The following TMCO1 variants were observed in gnomAD, a reference collection of about 807,000 sequenced individuals.
TMCO1 encodes transmembrane and coiled-coil domains 1.
Under a neutral mutation model 29.3 loss-of-function variants are expected in TMCO1, and 29 were observed. The ratio of observed to expected loss-of-function variants is 0.99; its 90% CI spans 0.74 to 1.35. The LOEUF (loss-of-function observed/expected upper bound fraction) is 1.35, where lower values mean the gene tolerates loss of function less well. Among genes scored for constraint, TMCO1 ranks in the 40% most tolerant of loss-of-function variants. The probability of loss-of-function intolerance (pLI) is 0.00; values close to 1 mark genes in which losing one functional copy is unlikely to be tolerated. For synonymous variants in TMCO1, 80 were observed against 77.1 expected (o/e 1.04, Z -0.20); for missense variants, 173 against 225.5 (o/e 0.77, Z 1.49).
chr1:165,750,258 G>T (rs1161436207), intron 5 of TMCO1, among the ~76,000 whole-genome samples: 2 of 152,060 alleles, frequency 1.3e-5, no homozygotes, highest in Non-Finnish European at 2.9e-5. Flanking sequence ...AGTACATCCT[G>T]GCCAGGCGCA....
In TMCO1 at chr1:165,726,959, T is replaced by C. The variant is rs1314727426; in HGVS notation, c.*1064A>G. On this transcript the variant is annotated 3_prime_UTR_variant, in exon 7 of 7. Transcript: ENST00000367881. ...GCTGTTGGTTTAACAATGATTACCT[T>C]GAAAATTATGTGTTTTTTCTCACTG... 1 of 454,108 alleles carries C rather than the reference T, an allele frequency of 2.2e-6. No homozygotes were observed. Among genetic ancestry groups the C allele is most frequent in the Non-Finnish European group, 4.4e-6 (1 of 226,770 alleles). 28.1% of individuals were successfully genotyped at this position (454,108 alleles called of 1,614,324 possible). A position where few individuals can be genotyped will look rare whatever the true frequency, so the allele number is the denominator to read the frequency against.
Position 165,727,978 on chromosome 1 carries a change from T to G in TMCO1, c.*45A>C. 1 of 1,431,544 alleles carries G rather than the reference T, an allele frequency of 7.0e-7. No homozygotes were observed. The highest frequency in any genetic ancestry group is 9.8e-7 in the Non-Finnish European group (1 of 1,025,438). 88.7% of individuals were successfully genotyped at this position (1,431,544 alleles called of 1,614,324 possible). Reference sequence around the variant, plus strand: ...CTACAAAACAGTTGCCAGTCTGATGTGTGTGTGTCTAGAAAGAATGATAGA... The same window carrying G: ...CTACAAAACAGTTGCCAGTCTGATGGGTGTGTGTCTAGAAAGAATGATAGA... On this transcript the variant is annotated 3_prime_UTR_variant, in exon 7 of 7. Transcript: ENST00000367881.
At chr1:165,748,494 A>G (rs1456836150) in intron 5 of TMCO1, among the ~76,000 whole-genome samples, 1 of 152,226 alleles carries the variant, frequency 6.6e-6, no homozygotes, top group Non-Finnish European at 1.5e-5. Flanking sequence ...TGAGAGGAAG[A>G]GAAAGTTGAA....
At chr1:165,761,384 A>T (rs1374432331) in intron 2 of TMCO1, among the ~76,000 whole-genome samples, 1 of 151,932 alleles carries the variant, frequency 6.6e-6, no homozygotes, top group East Asian at 1.9e-4. Flanking sequence ...AAAATTGAAA[A>T]ATTAGCCGAG....
At chr1:165,724,576 A>C (rs1650774973), downstream of TMCO1, 1 of 453,992 alleles carries the variant, frequency 2.2e-6, no homozygotes, top group Admixed American at 2.3e-5. Flanking sequence ...CTTACAGATC[A>C]CCAGCTCTGG....
At chr1:165,752,326 C>G (rs1180332942) in intron 4 of TMCO1, among the ~76,000 whole-genome samples, 157 bp from the exon 5 acceptor site, 1 of 147,880 alleles carries the variant, frequency 6.8e-6, no homozygotes, top group Non-Finnish European at 1.5e-5. Flanking sequence ...GCAATCTCGG[C>G]TCACTGCAAG....
chr1:165,745,611 C>T (rs1333712938), intron 5 of TMCO1, among the ~76,000 whole-genome samples: 2 of 152,050 alleles, frequency 1.3e-5, no homozygotes, highest in African/African-American at 4.8e-5. Flanking sequence ...CACACCACTG[C>T]ACTCCAGCCT....
Position 165,768,787 on chromosome 1 carries a change from G to C in TMCO1, c.-36C>G, listed in dbSNP as rs1652682007. 6.2e-7 allele frequency: 1 copy of C among 1,613,854 alleles called. No homozygotes were observed. Among genetic ancestry groups the C allele is most frequent in the Non-Finnish European group, 8.5e-7 (1 of 1,179,912 alleles). On this transcript the variant is annotated 5_prime_UTR_variant, in exon 1 of 7. Coordinates refer to ENST00000367881, the MANE Select transcript of TMCO1 (RefSeq NM_019026.6). Reference sequence around the variant, plus strand: ...CGTCTCTGCACTCTCACCCGCCAGGGGGAAAGCGCTCTACAGCCAGGAAAA... The same window carrying C: ...CGTCTCTGCACTCTCACCCGCCAGGCGGAAAGCGCTCTACAGCCAGGAAAA...
chr1:165,724,650 G>T (rs1165937775), downstream of TMCO1: 1 of 453,866 alleles, frequency 2.2e-6, no homozygotes, highest in Non-Finnish European at 4.4e-6. Flanking sequence ...CTAGTTTGAG[G>T]ACCACAACAA....
chr1:165,743,240 T>A lies in TMCO1; in HGVS notation c.395A>T (p.Asn132Ile). The A allele has an allele frequency of 6.2e-7, 1 of 1,613,710 alleles. No individual in the cohort carries two copies. Among genetic ancestry groups the A allele is most frequent in the Non-Finnish European group, 8.5e-7 (1 of 1,179,962 alleles). ...LSYIQGLSHRNLLGDDTTDCS... is the reference protein window; with the variant it reads ...LSYIQGLSHRILLGDDTTDCS... Reference sequence around the variant, plus strand: ...GTCTGTGGTGTCATCTCCCAGCAGATTTCGATGAGACAGTCCTTGGATGTA... The same window carrying A: ...GTCTGTGGTGTCATCTCCCAGCAGAATTCGATGAGACAGTCCTTGGATGTA... The change falls in exon 6 of 7, where the codon AAT becomes ATT. Residue 132 changes from asparagine (N) to isoleucine (I), a missense_variant. Transcript: ENST00000367881.
rs1392412456 is a variant in TMCO1, at chr1:165,727,156, C to T, written c.*867G>A. On this transcript the variant is annotated 3_prime_UTR_variant, in exon 7 of 7. Transcript: ENST00000367881. ...GAAGGCTATTGTGACTAAAAGGAAG[C>T]TCTGCGAGATTAACAACATATAACT... is the stretch of plus-strand genomic sequence containing the variant. The T allele has an allele frequency of 8.8e-6, 4 of 453,934 alleles. No individual in the cohort carries two copies. The allele number at this position is 453,934 out of a possible 1,614,324, so 28.1% of individuals were successfully genotyped here.
chr1:165,750,149 G>A (rs571659235), intron 5 of TMCO1, among the ~76,000 whole-genome samples: 4 of 152,032 alleles, frequency 2.6e-5, no homozygotes, highest in East Asian at 1.9e-4. Flanking sequence ...TTTAACTCAC[G>A]AAATACTAGG....
At chr1:165,762,344 A>G (rs1490091493) in intron 2 of TMCO1, among the ~76,000 whole-genome samples, 2 of 152,196 alleles carry the variant, frequency 1.3e-5, no homozygotes, top group South Asian at 4.1e-4. Flanking sequence ...ATTGTTATTA[A>G]ACAAAGAAAC....
chr1:165,733,681 T>C (rs1213227165), intron 6 of TMCO1, among the ~76,000 whole-genome samples: 1 of 151,900 alleles, frequency 6.6e-6, no homozygotes, highest in Non-Finnish European at 1.5e-5. Context: ...TGAAAGAAAA[T>C]AGAAATGCAA....
chr1:165,764,984 G>T (rs1237613464), intron 2 of TMCO1, among the ~76,000 whole-genome samples: 1 of 152,122 alleles, frequency 6.6e-6, no homozygotes. Context: ...CAACAATAGG[G>T]CTTGGTAATG....
intron 2 of TMCO1, among the ~76,000 whole-genome samples, chr1:165,765,362 C>T (rs1294697068): frequency 1.3e-5 from 2 of 152,232 alleles, no homozygotes. Flanking sequence ...CGGCTCACTG[C>T]AACTTCCGCC....
At chr1:165,728,508 G>A (rs560005923) in intron 6 of TMCO1, among the ~76,000 whole-genome samples, 75 of 151,992 alleles carry the variant, frequency 4.9e-4, no homozygotes, top group Admixed American at 9.2e-4. Flanking sequence ...TGCCCACCTC[G>A]GCCTCCCAAA....
intron 6 of TMCO1, among the ~76,000 whole-genome samples, chr1:165,731,832 T>C (rs1021730209): frequency 6.6e-5 from 10 of 152,364 alleles, no homozygotes; most frequent in African/African-American, 2.2e-4. Context: ...CTTTACTCTA[T>C]ACTTTCCTTT....
At chr1:165,760,621 G>A (rs1156877919) in intron 2 of TMCO1, among the ~76,000 whole-genome samples, 4 of 152,090 alleles carry the variant, frequency 2.6e-5, no homozygotes, top group Admixed American at 6.6e-5. Flanking sequence ...GGCCAACATG[G>A]TGAAAACCCA....
Sources: allele counts gnomAD v4.1 joint callset (sites outside exome capture counted in the v4.1 genomes callset), GRCh38; gene constraint gnomAD v4.1.1; transcripts MANE v1.5; gene names NCBI Gene and HGNC (gene_info 2026-07-23, HGNC 2026-07-21).